Variants in NID1 observed in about 807,000 individuals in gnomAD.
NID1 encodes the protein nidogen-1.
A neutral mutation model predicts 130.6 loss-of-function variants in NID1; 76 were observed. The observed-to-expected ratio is 0.58, with a 90% CI of 0.48 to 0.70. The LOEUF (loss-of-function observed/expected upper bound fraction) is 0.70, where lower values mean the gene tolerates loss of function less well. Among genes scored for constraint, NID1 ranks in the 30% least tolerant of loss-of-function variants. NID1 has a pLI of 0.00. For missense variants in NID1, 1,517 were observed against 1,664.8 expected, an observed-to-expected ratio of 0.91 and a Z score of 1.54; for synonymous variants, 665 against 675.1, an observed-to-expected ratio of 0.98 and a Z score of 0.23.
chr1:236,021,885 A>G (rs998080673), intron 9 of NID1, among the ~76,000 whole-genome samples: 4 of 152,202 alleles, frequency 2.6e-5, no homozygotes, highest in African/African-American at 9.7e-5. Context: ...AAGTATTTGA[A>G]CTTAAGTTAT....
chr1:236,056,351 G>T (rs972875342), intron 1 of NID1, among the ~76,000 whole-genome samples: 1 of 152,038 alleles, frequency 6.6e-6, no homozygotes, highest in African/African-American at 2.4e-5. Flanking sequence ...TATTTGTATT[G>T]ATGCATCATA....
At chr1:236,024,261 G>C (rs761690958) in intron 8 of NID1, 48 bp from the exon 9 acceptor site, 3 of 1,602,418 alleles carry the variant, frequency 1.9e-6, no homozygotes, top group Non-Finnish European at 2.6e-6. Context: ...AGGAGCTCTT[G>C]CAGGTTTCCT....
intron 12 of NID1, among the ~76,000 whole-genome samples, chr1:236,002,174 C>T (rs186259211): frequency 5.6e-4 from 86 of 152,272 alleles, no homozygotes; most frequent in African/African-American, 1.9e-3. Context: ...AAGAGCACCA[C>T]ACCTGCCTTG....
intron 5 of NID1, among the ~76,000 whole-genome samples, chr1:236,036,409 C>T (rs1047804607): frequency 5.9e-5 from 9 of 152,138 alleles, no homozygotes; most frequent in Non-Finnish European, 1.0e-4. Context: ...GAAATGATAA[C>T]GAATTTAATT....
intron 12 of NID1, among the ~76,000 whole-genome samples, chr1:235,994,181 C>A (rs1298588323): frequency 1.3e-5 from 2 of 152,124 alleles, no homozygotes; most frequent in African/African-American, 4.8e-5. Flanking sequence ...TACTTTTTTG[C>A]GATGGCGTTT....
intron 12 of NID1, among the ~76,000 whole-genome samples, chr1:236,009,415 T>G (rs563841989): frequency 1.3e-5 from 2 of 152,316 alleles, no homozygotes; most frequent in East Asian, 3.9e-4. Context: ...CTATGGTATT[T>G]TGCCAGAGCA....
At position 236,015,329 on chromosome 1, in the gene NID1, T is replaced by C. The variant is rs1014761507; in HGVS notation, c.2255-1769A>G. ...GCGCAGTGAGTCTCAAAGGAGCCAATTAAAAGGGGTGAAGATGTTCTCCCT... is the reference window on the plus strand; with the variant it reads ...GCGCAGTGAGTCTCAAAGGAGCCAACTAAAAGGGGTGAAGATGTTCTCCCT... On this transcript the variant is annotated intron_variant, in intron 10 of 19. Coordinates refer to ENST00000264187, the MANE Select transcript of NID1 (RefSeq NM_002508.3). Among the ~76,000 whole-genome samples, 4 of 152,192 alleles carry C rather than the reference T, an allele frequency of 2.6e-5. 1 individual carries two copies. Among genetic ancestry groups the C allele is most frequent in the Middle Eastern group, 6.8e-3 (2 of 294 alleles).
chr1:236,032,393 T>C lies in NID1; in HGVS notation c.1537+8A>G. 1 of 1,612,830 alleles carries C rather than the reference T, an allele frequency of 6.2e-7. No individual in the cohort carries two copies. ...GACCCACTAATTTTAATGTCGGATA[T>C]AAATTACCGGTGATGCTGAACCCAT... is the stretch of plus-strand genomic sequence containing the variant. On this transcript the variant is annotated splice_region_variant and intron_variant, in intron 6 of 19. Transcript: ENST00000264187.
intron 9 of NID1, among the ~76,000 whole-genome samples, chr1:236,023,133 C>T (rs953722004): frequency 5.3e-5 from 8 of 151,664 alleles, no homozygotes; most frequent in African/African-American, 1.5e-4. Context: ...CCCAAAAGAA[C>T]GGAAAGCAGG....
At chr1:235,990,749 G>A (rs1657708833) in intron 14 of NID1, 137 bp downstream of exon 14, 1 of 871,066 alleles carries the variant, frequency 1.1e-6, no homozygotes, top group East Asian at 2.6e-5. Context: ...ATCTAGAGAT[G>A]GTCACCCAGG....
rs757239199 is a variant in NID1, at chr1:235,981,736, G to A, written c.3102C>T (p.Asn1034=). ...EGIAVDHLGR[N]IFWTDSNLDR... The stretch of plus-strand genomic sequence containing the variant: ...CCAGGTTAGAGTCTGTCCAGAAGAT[G>A]TTGCGGCCAAGGTGATCAACAGCGA... Residue 1034 remains asparagine (N), a synonymous_variant, in exon 16 of 20, where the codon AAC becomes AAT. Coordinates refer to ENST00000264187, the MANE Select transcript of NID1 (RefSeq NM_002508.3). 6.2e-7 allele frequency: 1 copy of A among 1,613,984 alleles called. No individual in the cohort carries two copies. Among genetic ancestry groups the A allele is most frequent in the African/African-American group, 1.3e-5 (1 of 74,952 alleles).
intron 6 of NID1, 88 bp from the exon 7 acceptor site, chr1:236,029,838 T>C: frequency 1.6e-6 from 2 of 1,283,312 alleles, no homozygotes; most frequent in South Asian, 1.3e-5. Flanking sequence ...GTGGGGTTGG[T>C]GCGAACGCTT....
chr1:236,020,569 C>T (rs182287644), intron 9 of NID1, among the ~76,000 whole-genome samples: 1 of 152,284 alleles, frequency 6.6e-6, no homozygotes, highest in Admixed American at 6.5e-5. Context: ...TGGAGAGTCA[C>T]TGTGCGACGT....
intron 12 of NID1, among the ~76,000 whole-genome samples, chr1:236,001,845 A>T (rs1022287407): frequency 1.3e-5 from 2 of 152,206 alleles, no homozygotes; most frequent in Non-Finnish European, 2.9e-5. Context: ...TGCATTGTTG[A>T]GTTTCATCAC....
chr1:236,017,161 C>G lies in NID1; in HGVS notation c.2241G>C (p.Glu747Asp), dbSNP rs1166097507. ...TGGAGAACTTACCCACACACGTTCC[C>G]TCATCTGAAAACTGGTAGCCCTCCA... The part of the protein sequence containing the change: ...ECVEGYQFSD[E>D]GTCVAVVDQR... The change falls in exon 10 of 20, where the codon GAG becomes GAC. Residue 747 changes from glutamate (E) to aspartate (D), a missense_variant. Transcript: ENST00000264187. 6.2e-7 allele frequency: 1 copy of G among 1,614,130 alleles called. No individual in the cohort carries two copies. Among genetic ancestry groups the G allele is most frequent in the Non-Finnish European group, 8.5e-7 (1 of 1,179,998 alleles).
chr1:236,060,098 C>CAAAA (rs773686621), intron 1 of NID1, among the ~76,000 whole-genome samples: 2 of 50,922 alleles, frequency 3.9e-5, no homozygotes, highest in African/African-American at 1.5e-4. Context: ...GACTCAGTCT[C>CAAAA]AAAAAAAAAA....
At chr1:236,003,881 A>T (rs1658158847) in intron 12 of NID1, among the ~76,000 whole-genome samples, 1 of 151,852 alleles carries the variant, frequency 6.6e-6, no homozygotes, top group African/African-American at 2.4e-5. Flanking sequence ...AACAACAACA[A>T]CAATAGCCAA....
intron 12 of NID1, among the ~76,000 whole-genome samples, chr1:235,998,234 A>C (rs1657982021): frequency 6.6e-6 from 1 of 152,208 alleles, no homozygotes; most frequent in Non-Finnish European, 1.5e-5. Flanking sequence ...AGCAGTTAGC[A>C]TGCCAGAAAA....
intron 5 of NID1, among the ~76,000 whole-genome samples, chr1:236,034,219 G>A (rs1439500124): frequency 1.4e-4 from 22 of 152,096 alleles, no homozygotes; most frequent in Non-Finnish European, 1.5e-5. Context: ...TCAGGAGTTC[G>A]AGACCAGCCT....
Sources: gnomAD v4.1 joint callset for allele counts (sites outside exome capture counted in the v4.1 genomes callset) on GRCh38, gnomAD v4.1.1 for gene constraint, MANE v1.5 for transcripts, NCBI Gene and HGNC (gene_info 2026-07-23, HGNC 2026-07-21) for gene names.